CLOCK: variants seen among roughly 807,000 people sequenced by gnomAD.
CLOCK encodes the protein clock circadian regulator.
CLOCK carries 43 observed loss-of-function variants against 118.4 expected under a neutral mutation model. The observed-to-expected ratio is 0.36, with a 90% confidence interval of 0.28 to 0.47. The LOEUF is 0.47. Ranked by LOEUF, CLOCK falls within the 20% of genes least tolerant of loss-of-function variation. CLOCK has a pLI of 1.00. For synonymous variants in CLOCK, 326 were observed against 339.2 expected (o/e 0.96, Z 0.43); for missense variants, 846 against 999.9 (o/e 0.85, Z 2.08).
At chr4:55,496,863 G>C (rs1218257666) in intron 2 of CLOCK, among the ~76,000 whole-genome samples, 1 of 152,088 alleles carries the variant, frequency 6.6e-6, no homozygotes, top group African/African-American at 2.4e-5. Context: ...TTGTCCACCA[G>C]TACCCAATAT....
intron 1 of CLOCK, among the ~76,000 whole-genome samples, chr4:55,517,307 G>A (rs148002937): frequency 0.027 from 4,120 of 152,182 alleles, 196 homozygotes; most frequent in African/African-American, 0.094. Flanking sequence ...TCAGGAGATC[G>A]AGACCATCCT....
At chr4:55,506,840 C>T (rs1433534565) in intron 2 of CLOCK, among the ~76,000 whole-genome samples, 1 of 152,108 alleles carries the variant, frequency 6.6e-6, no homozygotes, top group South Asian at 2.1e-4. Flanking sequence ...GGATTACAGG[C>T]GTGAGCCACC....
At chr4:55,442,269 A>C (rs1723431086) in intron 21 of CLOCK, 163 bp downstream of exon 21, 1 of 679,138 alleles carries the variant, frequency 1.5e-6, no homozygotes, top group African/African-American at 1.8e-5. Context: ...GAAGTCTTTA[A>C]ACAATGAATA....
intron 2 of CLOCK, among the ~76,000 whole-genome samples, chr4:55,494,618 A>G (rs1284645539): frequency 6.6e-6 from 1 of 152,158 alleles, no homozygotes. Context: ...CATTGGGAAC[A>G]GTGCTCAGGT....
Position 55,432,686 on chromosome 4 carries a change from G to GT in CLOCK, c.*2728_*2729insA. 6.6e-6 allele frequency: 1 copy of GT among 151,954 alleles called. No individual in the cohort carries two copies. The highest frequency in any genetic ancestry group is 1.5e-5 in the Non-Finnish European group (1 of 67,974). The allele number at this position is 151,954 out of a possible 1,614,324, so 9.4% of individuals were successfully genotyped here. A position where few individuals can be genotyped will look rare whatever the true frequency, so the allele number is the denominator to read the frequency against. Reference sequence around the variant, plus strand: ...AGAGAATCAGGAGGAAAACAAAGCAGCAAAGAGGCAGCTGGTGCTTACTAC... The same window carrying GT: ...AGAGAATCAGGAGGAAAACAAAGCAGTCAAAGAGGCAGCTGGTGCTTACTAC... On this transcript the variant is annotated 3_prime_UTR_variant, in exon 23 of 23. Transcript: ENST00000513440.
intron 2 of CLOCK, among the ~76,000 whole-genome samples, chr4:55,504,453 A>C (rs1348924047): frequency 1.3e-5 from 2 of 152,156 alleles, no homozygotes; most frequent in Non-Finnish European, 2.9e-5. Flanking sequence ...CCTCAAAGTA[A>C]ATGCTCAAAA....
At chr4:55,540,156 C>A (rs1731170045) in intron 1 of CLOCK, among the ~76,000 whole-genome samples, 3 of 151,642 alleles carry the variant, frequency 2.0e-5, no homozygotes, top group Admixed American at 2.0e-4. Context: ...TACAGGCACC[C>A]GCCACCATGC....
At chr4:55,519,552 C>T (rs1316648756) in intron 1 of CLOCK, among the ~76,000 whole-genome samples, 2 of 151,956 alleles carry the variant, frequency 1.3e-5, no homozygotes, top group Admixed American at 1.3e-4. Flanking sequence ...TTTGGGAGGC[C>T]AAGGTGGGCA....
At chr4:55,470,833 A>C (rs1254237236) in intron 7 of CLOCK, 27 bp from the exon 8 acceptor site, 1 of 1,494,484 alleles carries the variant, frequency 6.7e-7, no homozygotes, top group Non-Finnish European at 9.3e-7. Context: ...TGATATGTTA[A>C]ATGAAAAGAA....
intron 3 of CLOCK, among the ~76,000 whole-genome samples, chr4:55,483,253 T>A (rs1055408184): frequency 4.6e-5 from 7 of 152,160 alleles, no homozygotes; most frequent in Admixed American, 1.3e-4. Context: ...TAGGAAAAAT[T>A]TGCAATTGAG....
chr4:55,481,711 A>C (rs1047140156), intron 4 of CLOCK, among the ~76,000 whole-genome samples: 29 of 148,314 alleles, frequency 2.0e-4, no homozygotes, highest in African/African-American at 6.9e-4. Context: ...AAAGAATCCC[A>C]ATGGATGGAG....
chr4:55,434,661 A>T lies in CLOCK; in HGVS notation c.*754T>A, dbSNP rs1460641744. 6.5e-6 allele frequency: 1 copy of T among 152,684 alleles called. No homozygotes were observed. The highest frequency in any genetic ancestry group is 2.4e-5 in the African/African-American group (1 of 41,452). 9.5% of individuals were successfully genotyped at this position (152,684 alleles called of 1,614,324 possible). A position where few individuals can be genotyped will look rare whatever the true frequency, so the allele number is the denominator to read the frequency against. On this transcript the variant is annotated 3_prime_UTR_variant, in exon 23 of 23. Coordinates refer to ENST00000513440, the MANE Select transcript of CLOCK (RefSeq NM_004898.4). Reference sequence around the variant, plus strand: ...CAAACTGTGACATCACAGCCAAAGTATGAACAAAAAAACTTGTGCCCCGGA... The same window carrying T: ...CAAACTGTGACATCACAGCCAAAGTTTGAACAAAAAAACTTGTGCCCCGGA...
chr4:55,516,479 G>A (rs1490661723), intron 1 of CLOCK, among the ~76,000 whole-genome samples: 1 of 152,060 alleles, frequency 6.6e-6, no homozygotes, highest in Non-Finnish European at 1.5e-5. Flanking sequence ...TAACTTCCTT[G>A]CTCTGAGAGC....
intron 13 of CLOCK, 26 bp from the exon 14 acceptor site, chr4:55,453,850 T>C: frequency 6.6e-7 from 1 of 1,519,432 alleles, no homozygotes; most frequent in Non-Finnish European, 9.0e-7. Context: ...AGAAATATTT[T>C]TTCTTTAATT....
intron 8 of CLOCK, among the ~76,000 whole-genome samples, chr4:55,465,866 C>A (rs553048206): frequency 6.6e-6 from 1 of 152,128 alleles, no homozygotes; most frequent in Admixed American, 6.5e-5. Context: ...GCAGGAGAAT[C>A]GCTTGAATCC....
At chr4:55,486,819 G>A (rs1727330088) in intron 3 of CLOCK, among the ~76,000 whole-genome samples, 1 of 152,052 alleles carries the variant, frequency 6.6e-6, no homozygotes, top group African/African-American at 2.4e-5. Flanking sequence ...ACAGTGATGT[G>A]CCCTGTTTTG....
chr4:55,503,874 G>T (rs1221025911), intron 2 of CLOCK, among the ~76,000 whole-genome samples: 1 of 147,356 alleles, frequency 6.8e-6, no homozygotes, highest in Non-Finnish European at 1.5e-5. Context: ...CTAGAAAATT[G>T]TAACACTGCA....
intron 2 of CLOCK, among the ~76,000 whole-genome samples, chr4:55,494,189 C>G (rs1408609836): frequency 6.6e-6 from 1 of 152,110 alleles, no homozygotes; most frequent in Non-Finnish European, 1.5e-5. Context: ...GAATGAATTT[C>G]ACATGTAATC....
chr4:55,450,937 CAT>C (rs1282047237), intron 15 of CLOCK, among the ~76,000 whole-genome samples: 5 of 152,032 alleles, frequency 3.3e-5, no homozygotes, highest in Non-Finnish European at 7.4e-5. Flanking sequence ...GCTAGAGTTT[CAT>C]AGTTTCATAC....
Sources: allele counts gnomAD v4.1 joint callset (sites outside exome capture counted in the v4.1 genomes callset), GRCh38; gene constraint gnomAD v4.1.1; transcripts MANE v1.5; gene names NCBI Gene and HGNC (gene_info 2026-07-23, HGNC 2026-07-21).